The following ESR1 variants were observed in gnomAD, a reference collection of about 807,000 sequenced individuals.
ESR1 encodes estrogen receptor 1, also known as estrogen receptor.
A neutral mutation model predicts 52.7 loss-of-function variants in ESR1; 12 were observed. That is an observed-to-expected ratio of 0.23 (90% CI 0.15 to 0.37). The LOEUF (loss-of-function observed/expected upper bound fraction) is 0.37, where lower values mean the gene tolerates loss of function less well. ESR1 is among the 10% of genes least tolerant of loss of function. The pLI is 1.00. For missense variants in ESR1, 584 were observed against 779.7 expected (o/e 0.75, Z 2.99); for synonymous variants, 305 against 316.8 (o/e 0.96, Z 0.39).
chr6:151,796,464 CTT>C (rs1776723777), intron 2 of ESR1, among the ~76,000 whole-genome samples: 1 of 152,098 alleles, frequency 6.6e-6, no homozygotes, highest in Non-Finnish European at 1.5e-5. Context: ...CCCACTATGA[CTT>C]TGAAAATATC....
At chr6:151,732,345 T>C (rs1341376957) in intron 2 of ESR1, among the ~76,000 whole-genome samples, 1 of 152,160 alleles carries the variant, frequency 6.6e-6, no homozygotes, top group Non-Finnish European at 1.5e-5. Flanking sequence ...TGTGATCCCT[T>C]TTACTTGCAA....
intron 3 of ESR1, among the ~76,000 whole-genome samples, chr6:151,892,102 G>A (rs1267000818): frequency 1.3e-5 from 2 of 152,144 alleles, no homozygotes; most frequent in East Asian, 1.9e-4. Context: ...AGGGCCAAGC[G>A]TGCAATTAAA....
At chr6:152,092,112 C>T (rs982225827) in intron 6 of ESR1, among the ~76,000 whole-genome samples, 14 of 152,346 alleles carry the variant, frequency 9.2e-5, no homozygotes, top group Non-Finnish European at 1.9e-4. Context: ...CTGCCACCTC[C>T]AGGCCAACAC....
At chr6:151,757,099 A>T (rs1371209955) in intron 2 of ESR1, among the ~76,000 whole-genome samples, 1 of 152,096 alleles carries the variant, frequency 6.6e-6, no homozygotes, top group Admixed American at 6.5e-5. Flanking sequence ...GTACAGAGAG[A>T]GTTCCTTTGC....
intron 6 of ESR1, among the ~76,000 whole-genome samples, chr6:152,092,881 G>T (rs950723857): frequency 6.6e-6 from 1 of 152,134 alleles, no homozygotes; most frequent in African/African-American, 2.4e-5. Context: ...AGTTATAAGC[G>T]ACAGAAATCC....
At chr6:151,861,406 A>G (rs186007003) in intron 2 of ESR1, among the ~76,000 whole-genome samples, 53 of 152,354 alleles carry the variant, frequency 3.5e-4, no homozygotes, top group Admixed American at 3.1e-3. Flanking sequence ...GCTTCTTGAA[A>G]TATATTCTGT....
chr6:151,681,780 G>T (rs190243869), intron 1 of ESR1, among the ~76,000 whole-genome samples: 1 of 151,858 alleles, frequency 6.6e-6, no homozygotes, highest in African/African-American at 2.4e-5. Context: ...AGCTGGACGC[G>T]GGGTCCAGCT....
intron 2 of ESR1, among the ~76,000 whole-genome samples, chr6:151,784,951 C>T (rs980826884): frequency 1.3e-5 from 2 of 152,176 alleles, no homozygotes; most frequent in African/African-American, 4.8e-5. Context: ...TTTTTTTCTT[C>T]TCTGGAAACT....
chr6:152,033,999 G>T (rs1002998895), intron 5 of ESR1, among the ~76,000 whole-genome samples: 5 of 152,150 alleles, frequency 3.3e-5, no homozygotes, highest in Non-Finnish European at 5.9e-5. Flanking sequence ...TAAGGACATG[G>T]ATGAAACTGG....
intron 3 of ESR1, among the ~76,000 whole-genome samples, chr6:151,906,227 A>T (rs1206027263): frequency 6.6e-6 from 1 of 152,180 alleles, no homozygotes; most frequent in East Asian, 1.9e-4. Flanking sequence ...AATCAACTGT[A>T]TCTCCACCCC....
At chr6:151,680,799 TACA>T (rs1475243724) in intron 1 of ESR1, among the ~76,000 whole-genome samples, 1 of 152,170 alleles carries the variant, frequency 6.6e-6, no homozygotes, top group Non-Finnish European at 1.5e-5. Flanking sequence ...TCCTAACACC[TACA>T]ACAATGCCTG....
chr6:151,998,334 G>A (rs958102579), intron 4 of ESR1, among the ~76,000 whole-genome samples: 2 of 151,974 alleles, frequency 1.3e-5, no homozygotes, highest in African/African-American at 4.8e-5. Flanking sequence ...ATACCAAGAG[G>A]ATATTATAGT....
chr6:151,811,790 C>T (rs1467743170), intron 1 of ESR1, among the ~76,000 whole-genome samples: 2 of 152,000 alleles, frequency 1.3e-5, no homozygotes, highest in East Asian at 3.8e-4. Flanking sequence ...AAGAATAGTC[C>T]AGAGTCACAT....
chr6:151,993,130 G>A (rs2041175087), intron 4 of ESR1, among the ~76,000 whole-genome samples: 1 of 152,094 alleles, frequency 6.6e-6, no homozygotes, highest in African/African-American at 2.4e-5. Flanking sequence ...TGTGGTTTTA[G>A]TGGTTAATTT....
intron 3 of ESR1, among the ~76,000 whole-genome samples, chr6:151,922,970 C>T (rs567058850): frequency 1.6e-4 from 24 of 152,334 alleles, no homozygotes; most frequent in Non-Finnish European, 2.8e-4. Context: ...TTATCTGTCA[C>T]TTCCTATACC....
intron 4 of ESR1, among the ~76,000 whole-genome samples, chr6:151,991,226 T>C (rs1413390130): frequency 6.6e-6 from 1 of 152,206 alleles, no homozygotes; most frequent in East Asian, 1.9e-4. Flanking sequence ...TTTGGGTAAC[T>C]CTGAGGTTTG....
chr6:151,673,123 G>A (rs534247533), intron 1 of ESR1, among the ~76,000 whole-genome samples: 1 of 152,178 alleles, frequency 6.6e-6, no homozygotes, highest in East Asian at 1.9e-4. Context: ...ACGGCGCCCG[G>A]CTTCATGATC....
chr6:151,785,659 C>A (rs1243019307), intron 2 of ESR1, among the ~76,000 whole-genome samples: 1 of 152,140 alleles, frequency 6.6e-6, no homozygotes, highest in Non-Finnish European at 1.5e-5. Context: ...AAACACAAAT[C>A]CTGTCAATTT....
chr6:151,778,728 G>A (rs1409607619), intron 2 of ESR1, among the ~76,000 whole-genome samples: 3 of 151,988 alleles, frequency 2.0e-5, no homozygotes, highest in Non-Finnish European at 4.4e-5. Flanking sequence ...TTAAATCATA[G>A]GAAAGAAACC....
Sources: allele counts gnomAD v4.1 joint callset (sites outside exome capture counted in the v4.1 genomes callset), GRCh38; gene constraint gnomAD v4.1.1; transcripts MANE v1.5; gene names NCBI Gene and HGNC (gene_info 2026-07-23, HGNC 2026-07-21).